Variants in DMD observed in about 807,000 individuals in gnomAD.
DMD encodes the protein mutant dystrophin.
In DMD, 63 loss-of-function variants were observed where a neutral mutation model predicts 330.1. The observed-to-expected ratio is 0.19, with a 90% confidence interval of 0.16 to 0.24. The LOEUF (loss-of-function observed/expected upper bound fraction) is 0.24, where lower values mean the gene tolerates loss of function less well. Ranked by LOEUF, DMD falls within the 10% of genes least tolerant of loss-of-function variation. The probability of loss-of-function intolerance (pLI) is 1.00; values close to 1 mark genes in which losing one functional copy is unlikely to be tolerated. For missense variants in DMD, 3,344 were observed against 2,684.1 expected (o/e 1.25, Z -5.43); for synonymous variants, 1,223 against 959.8 (o/e 1.27, Z -5.07).
chrX:31,822,598 A>G (rs1457362963), intron 49 of DMD, among the ~76,000 whole-genome samples: 1 of 101,778 alleles, frequency 9.8e-6, no homozygotes, highest in Non-Finnish European at 2.0e-5. Context: ...TGGTAACTGG[A>G]GTGGGAAGTG....
At chrX:31,938,122 A>G (rs760598512) in intron 45 of DMD, among the ~76,000 whole-genome samples, 1 of 111,971 alleles carries the variant, frequency 8.9e-6, no homozygotes, top group South Asian at 3.7e-4. Flanking sequence ...CTCTTACGCT[A>G]AGAGGAATAG....
chrX:32,076,140 G>A (rs2147849030), intron 44 of DMD, among the ~76,000 whole-genome samples: 1 of 103,075 alleles, frequency 9.7e-6, no homozygotes, highest in South Asian at 4.7e-4. Flanking sequence ...GCAAGGCACT[G>A]TGCTGGCTGC....
chrX:31,947,898 C>T (rs921824012), intron 45 of DMD, among the ~76,000 whole-genome samples: 10 of 110,466 alleles, frequency 9.1e-5, no homozygotes, highest in Non-Finnish European at 1.7e-4. Flanking sequence ...GGTAGGAACA[C>T]TTAAGACATA....
intron 2 of DMD, among the ~76,000 whole-genome samples, chrX:32,915,249 G>T (rs759052055): frequency 9.0e-6 from 1 of 111,531 alleles, no homozygotes; most frequent in South Asian, 3.8e-4. Flanking sequence ...TGAGGCCAGA[G>T]AACATGAGTG....
At chrX:33,033,554 C>CAAA (rs775790760) in intron 1 of DMD, among the ~76,000 whole-genome samples, 6,184 of 74,441 alleles carry the variant, frequency 0.083, 482 homozygotes, top group East Asian at 0.43. Context: ...ACTAAAAATA[C>CAAA]AAAAAAAAAA....
intron 52 of DMD, among the ~76,000 whole-genome samples, chrX:31,706,385 G>C (rs2084192226): frequency 9.0e-6 from 1 of 110,638 alleles, no homozygotes; most frequent in South Asian, 3.8e-4. Context: ...TATTAGCCAG[G>C]CAGTTACTCT....
At chrX:32,688,635 T>C (rs149211047) in intron 9 of DMD, among the ~76,000 whole-genome samples, 5,373 of 111,354 alleles carry the variant, frequency 0.048, 309 homozygotes, top group African/African-American at 0.16. Flanking sequence ...CCATGGAAAG[T>C]TGAAAGTATC....
chrX:33,269,558 G>A lies in DMD; in HGVS notation c.7+69701C>T, dbSNP rs1443185852. Among the ~76,000 whole-genome samples the A allele has an allele frequency of 3.6e-5, 4 of 111,166 alleles. No individual in the cohort carries two copies. In the South Asian group the frequency reaches 1.5e-3, roughly 42 times the overall value. On this transcript the variant is annotated intron_variant, in intron 1 of 17. Coordinates refer to the DMD transcript ENST00000288447. ...TGTACTCCCTGTATGTAAAATAAAA[G>A]TTGAAATTAAAAATAAAAGTGTCCT...
chrX:31,278,786 T>C (rs933717624), intron 62 of DMD, among the ~76,000 whole-genome samples: 1 of 111,872 alleles, frequency 8.9e-6, no homozygotes, highest in Admixed American at 9.5e-5. Context: ...GCCAACAAAT[T>C]GGCAAGTGTG....
intron 1 of DMD, among the ~76,000 whole-genome samples, chrX:33,280,448 T>C (rs1000793122): frequency 3.6e-5 from 4 of 112,084 alleles, no homozygotes; most frequent in African/African-American, 1.3e-4. Flanking sequence ...TTTTACAGTT[T>C]AAGTTCTTCT....
At chrX:31,991,761 T>TAAAA (rs35367607) in intron 44 of DMD, among the ~76,000 whole-genome samples, 126 of 88,685 alleles carry the variant, frequency 1.4e-3, no homozygotes, top group Middle Eastern at 5.8e-3. Context: ...TTACAGACTT[T>TAAAA]AAAAAAAAAA....
At chrX:31,249,602 A>G (rs73617061) in intron 63 of DMD, among the ~76,000 whole-genome samples, 362 of 111,379 alleles carry the variant, frequency 3.3e-3, no homozygotes, top group African/African-American at 0.011. Flanking sequence ...TTGCATGTCA[A>G]ATTAAAGTAC....
chrX:33,088,974 G>A (rs937052625), intron 1 of DMD, among the ~76,000 whole-genome samples: 3 of 110,326 alleles, frequency 2.7e-5, no homozygotes, highest in Non-Finnish European at 5.7e-5. Flanking sequence ...ATCCAGCAAC[G>A]TAGACACATA....
chrX:31,649,454 C>T lies in DMD; in HGVS notation c.8027+8536G>A, dbSNP rs946310968. Among the ~76,000 whole-genome samples the T allele has an allele frequency of 5.4e-5, 6 of 111,617 alleles. 1 individual carries two copies. On this transcript the variant is annotated intron_variant, in intron 54 of 78. Coordinates refer to ENST00000357033, the MANE Select transcript of DMD (RefSeq NM_004006.3). Reference sequence around the variant, plus strand: ...ATTCTAATTACTTGAAAGGAGATGACATAAAATGAAGCAGGCTGTTACCAC... The same window carrying T: ...ATTCTAATTACTTGAAAGGAGATGATATAAAATGAAGCAGGCTGTTACCAC...
chrX:32,386,153 T>C (rs1254836651), intron 33 of DMD, among the ~76,000 whole-genome samples, 157 bp downstream of exon 33: 1 of 110,614 alleles, frequency 9.0e-6, no homozygotes, highest in Non-Finnish European at 1.9e-5. Context: ...TATATATATA[T>C]ACGTATATGT....
At chrX:33,231,897 C>T (rs978264530) in intron 1 of DMD, among the ~76,000 whole-genome samples, 1 of 111,422 alleles carries the variant, frequency 9.0e-6, no homozygotes, top group Non-Finnish European at 1.9e-5. Context: ...TTATGCCTTC[C>T]ATTGGCCAAA....
At chrX:32,824,257 T>C (rs183071144) in intron 4 of DMD, among the ~76,000 whole-genome samples, 1 of 111,500 alleles carries the variant, frequency 9.0e-6, no homozygotes, top group East Asian at 2.8e-4. Context: ...CTCTTGAGCA[T>C]TTATCTCAAG....
At chrX:31,219,022 C>G (rs1422222605) in intron 64 of DMD, among the ~76,000 whole-genome samples, 2 of 111,453 alleles carry the variant, frequency 1.8e-5, no homozygotes, top group Non-Finnish European at 3.8e-5. Flanking sequence ...TATCCTAGAT[C>G]TAATCACCTG....
intron 44 of DMD, among the ~76,000 whole-genome samples, chrX:32,033,774 T>C (rs184581969): frequency 1.8e-5 from 2 of 111,647 alleles, no homozygotes; most frequent in African/African-American, 6.5e-5. Flanking sequence ...GATTGTATAA[T>C]TGTCAAGGAA....
Sources: allele counts gnomAD v4.1 joint callset (sites outside exome capture counted in the v4.1 genomes callset), GRCh38; gene constraint gnomAD v4.1.1; transcripts MANE v1.5; gene names NCBI Gene and HGNC (gene_info 2026-07-23, HGNC 2026-07-21).